Variants in ANK2 observed in about 807,000 individuals in gnomAD.
ANK2 encodes ankyrin-2.
ANK2 carries 83 observed loss-of-function variants against 360.5 expected under a neutral mutation model. The ratio of observed to expected loss-of-function variants is 0.23; its 90% CI spans 0.19 to 0.28. ANK2 has a LOEUF of 0.28. Among genes scored for constraint, ANK2 ranks in the 10% least tolerant of loss-of-function variants. ANK2 has a pLI of 1.00. For synonymous variants in ANK2, 1,740 were observed against 1,759.5 expected, an observed-to-expected ratio of 0.99 and a Z score of 0.28; for missense variants, 4,201 against 4,795.7, an observed-to-expected ratio of 0.88 and a Z score of 3.66.
intron 2 of ANK2, among the ~76,000 whole-genome samples, chr4:112,964,142 G>A (rs1428948576): frequency 3.4e-5 from 5 of 147,266 alleles, no homozygotes. Flanking sequence ...TGGGGCACAC[G>A]AGATACTTTG....
chr4:112,996,268 T>G (rs2048471887), intron 2 of ANK2, among the ~76,000 whole-genome samples: 1 of 152,068 alleles, frequency 6.6e-6, no homozygotes, highest in African/African-American at 2.4e-5. Flanking sequence ...GGAATAGGGA[T>G]GGGAGCAGGG....
intron 2 of ANK2, among the ~76,000 whole-genome samples, chr4:113,003,829 A>G (rs1342192883): frequency 6.6e-6 from 1 of 152,260 alleles, no homozygotes; most frequent in Non-Finnish European, 1.5e-5. Context: ...CCTAGATGGT[A>G]TATTGCCTAC....
intron 2 of ANK2, among the ~76,000 whole-genome samples, chr4:113,008,885 G>A (rs974652488): frequency 6.6e-6 from 1 of 152,080 alleles, no homozygotes; most frequent in African/African-American, 2.4e-5. Flanking sequence ...TTGGGGAAAA[G>A]GGCTCAGTGA....
chr4:113,072,898 T>C (rs2078224159), intron 1 of ANK2, among the ~76,000 whole-genome samples: 1 of 151,194 alleles, frequency 6.6e-6, no homozygotes, highest in South Asian at 2.1e-4. Flanking sequence ...ATGACAATTA[T>C]ATTGTGCCAT....
chr4:112,873,875 G>A lies in ANK2; in HGVS notation c.-39-30580G>A, dbSNP rs2074115198. On this transcript the variant is annotated intron_variant, in intron 1 of 30. Transcript: ENST00000503271. Reference sequence around the variant, plus strand: ...TGGTTTCTAAAGTTATTCCACTTTGGTGAGAGAATATACTGTGTATGATTT... The same window carrying A: ...TGGTTTCTAAAGTTATTCCACTTTGATGAGAGAATATACTGTGTATGATTT... Among the ~76,000 whole-genome samples the A allele has an allele frequency of 1.3e-5, 2 of 151,670 alleles. 1 individual carries two copies. The highest frequency in any genetic ancestry group is 2.9e-5 in the Non-Finnish European group (2 of 67,912).
At chr4:113,224,876 G>GTTTTTTTTTTTTTT (rs11325379) in intron 4 of ANK2, among the ~76,000 whole-genome samples, 1 of 133,244 alleles carries the variant, frequency 7.5e-6, no homozygotes, top group Non-Finnish European at 1.6e-5. Flanking sequence ...GATCTTTGAA[G>GTTTTTTTTTTTTTT]TTTTTTTTTT....
Position 113,358,278 on chromosome 4 carries a change from A to G in ANK2, c.9660A>G (p.Val3220=). ...CACCTACAAAAGAAGCTGTTAGTGT[A>G]GGGACCAAGGACCTCCCCACCGTGC... ...TETPTKEAVS[V]GTKDLPTVQT... The change falls in exon 38 of 46, where the codon GTA becomes GTG. Residue 3220 remains valine (V), a synonymous_variant. Coordinates refer to ENST00000357077, the MANE Select transcript of ANK2 (RefSeq NM_001148.6). The G allele has an allele frequency of 1.9e-6, 3 of 1,613,952 alleles. No individual in the cohort carries two copies. Among genetic ancestry groups the G allele is most frequent in the Non-Finnish European group, 2.5e-6 (3 of 1,179,894 alleles).
In ANK2 at chr4:112,941,627, GTAAATATA is replaced by G. The variant is rs897602670; in HGVS notation, c.21+37132_21+37139del. Among the ~76,000 whole-genome samples the G allele has an allele frequency of 6.6e-3, 926 of 140,378 alleles. 5 individuals are homozygous for G. Among genetic ancestry groups the G allele is most frequent in the Non-Finnish European group, 8.8e-3 (568 of 64,618 alleles). The allele number at this position is 140,378 out of a possible 152,430, so 92.1% of individuals were successfully genotyped here. On this transcript the variant is annotated intron_variant, in intron 2 of 30. Transcript: ENST00000503271. ...TATAAAAGGATATAAATATGTAAAT[GTAAATATA>G]TAAATATATAAATATATAGATATAT...
intron 1 of ANK2, among the ~76,000 whole-genome samples, chr4:113,170,980 G>A (rs2097920671): frequency 6.6e-6 from 1 of 152,120 alleles, no homozygotes; most frequent in Admixed American, 6.6e-5. Flanking sequence ...AGAGTCCTAG[G>A]GACATAAAGC....
chr4:113,248,700 AT>A (rs1321756479), intron 9 of ANK2, among the ~76,000 whole-genome samples: 2 of 152,170 alleles, frequency 1.3e-5, no homozygotes, highest in African/African-American at 4.8e-5. Context: ...ACCTGGAGAG[AT>A]GGTCCTGGAA....
chr4:112,739,117 T>C, the ANK2 span: 123 of 460,322 alleles, frequency 2.7e-4, no homozygotes, highest in African/African-American at 2.2e-3. Context: ...ATAGCTCATA[T>C]GCACGTTTTG....
chr4:112,776,043 C>G, the ANK2 span, among the ~76,000 whole-genome samples: 1 of 152,022 alleles, frequency 6.6e-6, no homozygotes, highest in Non-Finnish European at 1.5e-5. Flanking sequence ...CTGAGAAGCG[C>G]CAGCCTAGGG....
intron 42 of ANK2, 112 bp from the exon 43 acceptor site, chr4:113,369,402 G>C (rs1156728488): frequency 9.1e-7 from 1 of 1,099,072 alleles, no homozygotes; most frequent in Non-Finnish European, 1.4e-6. Context: ...AAACTATTTT[G>C]ACTGTCATAG....
At chr4:112,885,241 C>T (rs926671321) in intron 1 of ANK2, among the ~76,000 whole-genome samples, 1 of 152,192 alleles carries the variant, frequency 6.6e-6, no homozygotes, top group Non-Finnish European at 1.5e-5. Flanking sequence ...TGGTTCACGC[C>T]TGTAATCCCA....
rs1329206145 is a variant in ANK2, at chr4:113,358,615, G to A, written c.9997G>A (p.Val3333Ile). ...SSVSEDFLSS[V>I]DEENKADEAK... ...AGTTTCTGAAGATTTTCTATCCAGT[G>A]TAGATGAGGAAAATAAGGCGGATGA... The change falls in exon 38 of 46, where the codon GTA becomes ATA. Residue 3333 changes from valine (V) to isoleucine (I), a missense_variant. Coordinates refer to ENST00000357077, the MANE Select transcript of ANK2 (RefSeq NM_001148.6). The A allele has an allele frequency of 1.2e-6, 2 of 1,614,088 alleles. No individual in the cohort carries two copies. Among genetic ancestry groups the A allele is most frequent in the African/African-American group, 1.3e-5 (1 of 75,034 alleles).
intron 2 of ANK2, among the ~76,000 whole-genome samples, chr4:112,918,330 A>G (rs2090511782): frequency 6.6e-6 from 1 of 152,134 alleles, no homozygotes; most frequent in Admixed American, 6.6e-5. Context: ...ATCCTTGCAT[A>G]AATAATTCAG....
At chr4:113,093,156 G>T (rs2089392215) in intron 1 of ANK2, among the ~76,000 whole-genome samples, 1 of 152,096 alleles carries the variant, frequency 6.6e-6, no homozygotes, top group Non-Finnish European at 1.5e-5. Context: ...TGCATACATT[G>T]TCTTAATCTA....
At chr4:112,808,362 G>A in the ANK2 span, among the ~76,000 whole-genome samples, 2 of 152,196 alleles carry the variant, frequency 1.3e-5, no homozygotes, top group African/African-American at 4.8e-5. Context: ...TAAAGTGGGA[G>A]CATAATTACT....
the ANK2 span, among the ~76,000 whole-genome samples, chr4:112,711,415 TG>T: frequency 1.2e-4 from 18 of 152,124 alleles, no homozygotes; most frequent in Non-Finnish European, 2.2e-4. Flanking sequence ...CCCAGCTACT[TG>T]GGAAGCTGAG....
Sources: gnomAD v4.1 joint callset for allele counts (sites outside exome capture counted in the v4.1 genomes callset) on GRCh38, gnomAD v4.1.1 for gene constraint, MANE v1.5 for transcripts, NCBI Gene and HGNC (gene_info 2026-07-23, HGNC 2026-07-21) for gene names.